The following NEK10 variants were observed in gnomAD, a reference collection of about 807,000 sequenced individuals.
NEK10 encodes the protein serine/threonine-protein kinase Nek10.
In NEK10, 122 loss-of-function variants were observed where a neutral mutation model predicts 159.8. The ratio of observed to expected loss-of-function variants is 0.76; its 90% CI spans 0.66 to 0.89. NEK10 has a LOEUF of 0.89. Among genes scored for constraint, NEK10 ranks in the 40% least tolerant of loss-of-function variants. The probability of loss-of-function intolerance (pLI) is 0.00; values close to 1 mark genes in which losing one functional copy is unlikely to be tolerated. For synonymous variants in NEK10, 466 were observed against 457.1 expected (o/e 1.02, Z -0.25); for missense variants, 1,342 against 1,323.1 (o/e 1.01, Z -0.22).
At chr3:27,280,277 T>C (rs1353774603) in intron 22 of NEK10, among the ~76,000 whole-genome samples, 2 of 150,440 alleles carry the variant, frequency 1.3e-5, no homozygotes, top group Non-Finnish European at 3.0e-5. Flanking sequence ...ATGCTACCCA[T>C]GCATCTGAGG....
chr3:27,331,710 C>T (rs1460559412), intron 5 of NEK10, among the ~76,000 whole-genome samples: 1 of 152,112 alleles, frequency 6.6e-6, no homozygotes, highest in Non-Finnish European at 1.5e-5. Context: ...CTATATTAAT[C>T]CTCTTGGTTA....
chr3:27,356,984 T>C (rs1428589819), intron 1 of NEK10, among the ~76,000 whole-genome samples: 1 of 152,212 alleles, frequency 6.6e-6, no homozygotes, highest in Non-Finnish European at 1.5e-5. Context: ...TCACAATCTG[T>C]AAGGAGTGAC....
chr3:27,208,862 C>T (rs1299242998), intron 23 of NEK10, among the ~76,000 whole-genome samples: 5 of 152,172 alleles, frequency 3.3e-5, no homozygotes, highest in East Asian at 1.9e-4. Flanking sequence ...CCTGGCATCA[C>T]GGAAATGTTC....
chr3:27,362,061 C>G (rs1348569719), intron 1 of NEK10, among the ~76,000 whole-genome samples: 1 of 151,990 alleles, frequency 6.6e-6, no homozygotes, highest in Non-Finnish European at 1.5e-5. Context: ...TGTCAAAAAG[C>G]AGAAAAAAAT....
At chr3:27,345,612 G>A (rs1485849769) in intron 4 of NEK10, among the ~76,000 whole-genome samples, 2 of 152,212 alleles carry the variant, frequency 1.3e-5, no homozygotes, top group African/African-American at 4.8e-5. Context: ...GCAGAGGTCT[G>A]CTTGGCAACA....
chr3:27,261,012 G>C (rs1190526573), intron 22 of NEK10, among the ~76,000 whole-genome samples: 4 of 152,138 alleles, frequency 2.6e-5, no homozygotes, highest in Non-Finnish European at 5.9e-5. Flanking sequence ...TTTGCGTAGA[G>C]GTGTTTATAG....
chr3:27,184,302 T>A (rs112424545), intron 26 of NEK10, among the ~76,000 whole-genome samples: 2 of 152,260 alleles, frequency 1.3e-5, no homozygotes, highest in South Asian at 4.1e-4. Flanking sequence ...TATTTTGTCA[T>A]GGAAAAAAAG....
chr3:27,166,262 T>G (rs1946464651), intron 29 of NEK10, among the ~76,000 whole-genome samples: 1 of 152,204 alleles, frequency 6.6e-6, no homozygotes, highest in African/African-American at 2.4e-5. Context: ...AACAAAGTAG[T>G]ATAATGCTCC....
intron 26 of NEK10, among the ~76,000 whole-genome samples, chr3:27,189,497 A>G (rs952138070): frequency 2.0e-5 from 3 of 152,108 alleles, no homozygotes; most frequent in Non-Finnish European, 2.9e-5. Flanking sequence ...GGATTGTGTA[A>G]CTGCATTATT....
rs563292787 is a variant in NEK10 at position 27,286,273 on chromosome 3, A to T, written c.1790-1312T>A. 5.8e-3 allele frequency among the ~76,000 whole-genome samples: 875 copies of T among 149,782 alleles called. 6 individuals are homozygous for T. Among genetic ancestry groups the T allele is most frequent in the Non-Finnish European group, 9.0e-3 (609 of 67,568 alleles). ...GCTAATTTTTTTGTATTTTTAGTAG[A>T]GACGGGGTTTCACCGTGTTAGCCAG... On this transcript the variant is annotated intron_variant, in intron 20 of 35. Coordinates refer to ENST00000691995, the MANE Select transcript of NEK10 (RefSeq NM_001394966.1).
chr3:27,202,418 C>A lies in NEK10; in HGVS notation c.2220+10G>T. On this transcript the variant is annotated intron_variant, in intron 24 of 35. Coordinates refer to ENST00000691995, the MANE Select transcript of NEK10 (RefSeq NM_001394966.1). ...TACACGAGACCCTTCTGTCTCCCAG[C>A]GTTGCTTACTTTTGTAGCCAAGGAC... 1 of 1,602,768 alleles carries A rather than the reference C, an allele frequency of 6.2e-7. No homozygotes were observed. The highest frequency in any genetic ancestry group is 8.5e-7 in the Non-Finnish European group (1 of 1,172,964).
intron 10 of NEK10, 24 bp from the exon 11 acceptor site, chr3:27,307,969 A>G: frequency 8.8e-7 from 1 of 1,133,544 alleles, no homozygotes; most frequent in South Asian, 1.2e-5. Flanking sequence ...AATATTAGCA[A>G]TTACTAAAAG....
At position 27,182,396 on chromosome 3, in the gene NEK10, C is replaced by A. The variant is rs188490954; in HGVS notation, c.2506-7563G>T. ...TTTTTAAAAGCTACAAAAATCAAAACGGTGTGGTATTGGTCTAAGAAGAGA... is the reference window on the plus strand; with the variant it reads ...TTTTTAAAAGCTACAAAAATCAAAAAGGTGTGGTATTGGTCTAAGAAGAGA... On this transcript the variant is annotated intron_variant, in intron 26 of 35. Coordinates refer to ENST00000691995, the MANE Select transcript of NEK10 (RefSeq NM_001394966.1). Among the ~76,000 whole-genome samples the A allele has an allele frequency of 4.6e-5, 7 of 152,020 alleles. No homozygotes were observed. The East Asian group carries it at 1.2e-3, about 25-fold the overall frequency.
chr3:27,296,701 A>C (rs931563983), intron 14 of NEK10, among the ~76,000 whole-genome samples: 3 of 152,190 alleles, frequency 2.0e-5, no homozygotes, highest in African/African-American at 4.8e-5. Context: ...TACACACACA[A>C]ACATGTATAT....
chr3:27,346,127 C>T lies in NEK10; in HGVS notation c.222G>A (p.Gln74=). The T allele has an allele frequency of 1.9e-6, 3 of 1,613,788 alleles. No homozygotes were observed. Among genetic ancestry groups the T allele is most frequent in the Non-Finnish European group, 2.5e-6 (3 of 1,179,738 alleles). ...CAACAGCTTCTGTGGATTCATGCCA[C>T]TGACCCCGAGCTCTGTGTCCACCCG... ...IRAGGHRARG[Q]WHESTEAVEL... Residue 74 remains glutamine (Q), a synonymous_variant, in exon 4 of 36, where the codon CAG becomes CAA. Coordinates refer to ENST00000691995, the MANE Select transcript of NEK10 (RefSeq NM_001394966.1).
intron 23 of NEK10, among the ~76,000 whole-genome samples, chr3:27,213,223 A>T (rs1254304745): frequency 1.3e-5 from 2 of 152,138 alleles, no homozygotes; most frequent in African/African-American, 4.8e-5. Flanking sequence ...GTTCTGTCCA[A>T]TTCTTTGTTC....
chr3:27,139,006 T>C (rs1396903253), intron 31 of NEK10, among the ~76,000 whole-genome samples: 2 of 152,194 alleles, frequency 1.3e-5, no homozygotes, highest in African/African-American at 4.8e-5. Flanking sequence ...GAAGTCATGG[T>C]CTGAGACGTG....
chr3:27,322,470 C>G (rs1044878425), intron 5 of NEK10, among the ~76,000 whole-genome samples: 3 of 152,006 alleles, frequency 2.0e-5, no homozygotes, highest in Non-Finnish European at 4.4e-5. Context: ...GAGGCCCCCC[C>G]CAAACTTATT....
chr3:27,184,949 T>C (rs1948474819), intron 26 of NEK10, among the ~76,000 whole-genome samples: 1 of 152,152 alleles, frequency 6.6e-6, no homozygotes, highest in Non-Finnish European at 1.5e-5. Context: ...AAATAGCACA[T>C]TTTTTAATTT....
Sources: allele counts gnomAD v4.1 joint callset (sites outside exome capture counted in the v4.1 genomes callset), GRCh38; gene constraint gnomAD v4.1.1; transcripts MANE v1.5; gene names NCBI Gene and HGNC (gene_info 2026-07-23, HGNC 2026-07-21).